The following TNRC6A variants were observed in gnomAD, a reference collection of about 807,000 sequenced individuals.
TNRC6A encodes the protein trinucleotide repeat containing adaptor 6A.
Under a neutral mutation model 221.2 loss-of-function variants are expected in TNRC6A, and 44 were observed. That is an observed-to-expected ratio of 0.20 (90% CI 0.16 to 0.26). TNRC6A has a LOEUF of 0.26. TNRC6A is among the 10% of genes least tolerant of loss of function. The pLI is 1.00. For synonymous variants in TNRC6A, 847 were observed against 838.5 expected, an observed-to-expected ratio of 1.01 and a Z score of -0.18; for missense variants, 2,199 against 2,404.4, an observed-to-expected ratio of 0.91 and a Z score of 1.79.
At position 24,625,410 on chromosome 16, in the gene TNRC6A, G is replaced by A. The variant is rs183733114; in HGVS notation, n.276+14926G>A. ...GGGCGGATCACAAGGTCAGGAGTTC[G>A]AGACCAGCCTGACCAACATGGTGAA... On this transcript the variant is annotated intron_variant and non_coding_transcript_variant, in intron 1 of 2. Coordinates refer to the TNRC6A transcript ENST00000566108. Among the ~76,000 whole-genome samples, 21 of 152,230 alleles carry A rather than the reference G, an allele frequency of 1.4e-4. 1 individual carries two copies. Among genetic ancestry groups the A allele is most frequent in the Admixed American group, 5.9e-4 (9 of 15,288 alleles).
intron 2 of TNRC6A, among the ~76,000 whole-genome samples, chr16:24,682,439 G>A (rs549029389): frequency 2.7e-5 from 4 of 149,540 alleles, no homozygotes; most frequent in Admixed American, 6.8e-5. Context: ...TATGGTCCAG[G>A]CTGGTCTCAA....
rs2058745336 is a variant in TNRC6A, at chr16:24,820,443, T to C, written c.5302+83T>C. 4.7e-6 allele frequency: 6 copies of C among 1,273,908 alleles called. No homozygotes were observed. In the South Asian group the frequency reaches 7.7e-5, roughly 16 times the overall value. 78.9% of individuals were successfully genotyped at this position (1,273,908 alleles called of 1,614,324 possible). A position where few individuals can be genotyped will look rare whatever the true frequency, so the allele number is the denominator to read the frequency against. On this transcript the variant is annotated intron_variant, in intron 22 of 24. Transcript: ENST00000395799. ...CTAACAGTCGAGTTTAACAGAGACCTGAACGGTAAACTATTGCCTCACCTC... is the reference window on the plus strand; with the variant it reads ...CTAACAGTCGAGTTTAACAGAGACCCGAACGGTAAACTATTGCCTCACCTC...
intron 5 of TNRC6A, among the ~76,000 whole-genome samples, chr16:24,778,970 G>A (rs1481179341): frequency 6.6e-6 from 1 of 152,228 alleles, no homozygotes; most frequent in East Asian, 1.9e-4. Context: ...GAACAAGACA[G>A]TGAAGTGGGA....
intron 12 of TNRC6A, 137 bp from the exon 13 acceptor site, chr16:24,804,568 T>C: frequency 7.5e-7 from 1 of 1,333,824 alleles, no homozygotes; most frequent in Non-Finnish European, 1.0e-6. Context: ...TTAACACTAA[T>C]CCGATCTCTT....
intron 2 of TNRC6A, among the ~76,000 whole-genome samples, chr16:24,654,997 C>G (rs545621488): frequency 6.6e-6 from 1 of 152,274 alleles, no homozygotes; most frequent in African/African-American, 2.4e-5. Context: ...AATCCCAGCA[C>G]TTTGGGAGCC....
chr16:24,742,430 CAT>C (rs2056911601), intron 2 of TNRC6A, among the ~76,000 whole-genome samples: 2 of 151,452 alleles, frequency 1.3e-5, no homozygotes, highest in African/African-American at 4.9e-5. Flanking sequence ...GGAAAAGTAA[CAT>C]ATGGATAAGA....
At chr16:24,630,413 C>A (rs1901272440) in intron 1 of TNRC6A, among the ~76,000 whole-genome samples, 1 of 152,136 alleles carries the variant, frequency 6.6e-6, no homozygotes, top group African/African-American at 2.4e-5. Flanking sequence ...TGTGTAATCC[C>A]AGCACTTTGG....
At chr16:24,749,344 G>A (rs1167264734) in intron 2 of TNRC6A, among the ~76,000 whole-genome samples, 1 of 152,172 alleles carries the variant, frequency 6.6e-6, no homozygotes, top group Admixed American at 6.5e-5. Context: ...CCTCCAGTAA[G>A]ATGGGCTTTG....
intron 1 of TNRC6A, among the ~76,000 whole-genome samples, chr16:24,629,176 AT>A (rs1412357552): frequency 6.6e-6 from 1 of 152,166 alleles, no homozygotes; most frequent in South Asian, 2.1e-4. Context: ...TAAATTGTAA[AT>A]GTGACATAAT....
At chr16:24,663,640 T>C (rs1180736212) in intron 2 of TNRC6A, 2 of 258,348 alleles carry the variant, frequency 7.7e-6, no homozygotes, top group Non-Finnish European at 7.8e-6. Flanking sequence ...AGCTGTACCC[T>C]CCTAGATAGT....
chr16:24,681,666 T>A (rs200669880), intron 2 of TNRC6A, among the ~76,000 whole-genome samples: 1 of 152,224 alleles, frequency 6.6e-6, no homozygotes, highest in East Asian at 1.9e-4. Context: ...TGTTAAAATA[T>A]AAGCTCCATG....
chr16:24,737,092 C>G (rs548965906), intron 2 of TNRC6A, among the ~76,000 whole-genome samples: 3 of 152,074 alleles, frequency 2.0e-5, no homozygotes, highest in Non-Finnish European at 4.4e-5. Context: ...CATCCCGATG[C>G]CACAGAGGGA....
chr16:24,737,557 T>C (rs2056797362), intron 2 of TNRC6A, among the ~76,000 whole-genome samples: 1 of 152,250 alleles, frequency 6.6e-6, no homozygotes, highest in South Asian at 2.1e-4. Flanking sequence ...CTCAGCTGAC[T>C]TCCCGTTTCA....
intron 2 of TNRC6A, among the ~76,000 whole-genome samples, chr16:24,718,711 C>G (rs974946319): frequency 1.3e-5 from 2 of 151,938 alleles, no homozygotes; most frequent in Non-Finnish European, 2.9e-5. Flanking sequence ...TTAGAAAGAC[C>G]TCTTTGGTGG....
intron 2 of TNRC6A, among the ~76,000 whole-genome samples, chr16:24,646,656 T>G (rs1325306334): frequency 6.6e-6 from 1 of 152,220 alleles, no homozygotes; most frequent in African/African-American, 2.4e-5. Context: ...AAGTGAAATT[T>G]TTTTGGTCAG....
chr16:24,826,151 A>G lies in TNRC6A; in HGVS notation c.*2344A>G, dbSNP rs2152131436. On this transcript the variant is annotated 3_prime_UTR_variant, in exon 25 of 25. Coordinates refer to ENST00000395799, the MANE Select transcript of TNRC6A (RefSeq NM_014494.4). ...TAGTATATAATTCATAACTGCGTTA[A>G]TTGTATTGTTAAAGTGTTTGGGAGT... 6.5e-6 allele frequency: 1 copy of G among 152,760 alleles called. No homozygotes were observed. The highest frequency in any genetic ancestry group is 2.1e-4 in the South Asian group (1 of 4,832). 9.5% of individuals were successfully genotyped at this position (152,760 alleles called of 1,614,324 possible). A position where few individuals can be genotyped will look rare whatever the true frequency, so the allele number is the denominator to read the frequency against.
intron 4 of TNRC6A, among the ~76,000 whole-genome samples, chr16:24,771,462 TGAG>T (rs1378141416): frequency 6.6e-6 from 1 of 152,082 alleles, no homozygotes; most frequent in South Asian, 2.1e-4. Flanking sequence ...ACATGTTTCT[TGAG>T]GATACACACC....
rs1567532156 is a variant in TNRC6A at position 24,824,448 on chromosome 16, C to T, written c.*641C>T. 6.6e-6 allele frequency: 1 copy of T among 152,594 alleles called. No individual in the cohort carries two copies. The highest frequency in any genetic ancestry group is 1.9e-4 in the East Asian group (1 of 5,200). 9.5% of individuals were successfully genotyped at this position (152,594 alleles called of 1,614,324 possible). A position where few individuals can be genotyped will look rare whatever the true frequency, so the allele number is the denominator to read the frequency against. On this transcript the variant is annotated 3_prime_UTR_variant, in exon 25 of 25. Transcript: ENST00000395799. ...GAATTTCGCTCTGCAGTTTGAAAAA[C>T]TGTGGCCACAGCTGTGACTTGCAGC... is the stretch of plus-strand genomic sequence containing the variant.
At chr16:24,760,925 G>A (rs796366471) in intron 4 of TNRC6A, among the ~76,000 whole-genome samples, 2 of 152,124 alleles carry the variant, frequency 1.3e-5, no homozygotes, top group Non-Finnish European at 2.9e-5. Context: ...TCTAGGATCC[G>A]ATGCGAAATG....
Sources: gnomAD v4.1 joint callset for allele counts (sites outside exome capture counted in the v4.1 genomes callset) on GRCh38, gnomAD v4.1.1 for gene constraint, MANE v1.5 for transcripts, NCBI Gene and HGNC (gene_info 2026-07-23, HGNC 2026-07-21) for gene names.